Variants in PARD3B observed in about 807,000 individuals in gnomAD.
PARD3B encodes partitioning defective 3 homolog B.
In PARD3B, 103 loss-of-function variants were observed where a neutral mutation model predicts 130.2. That is an observed-to-expected ratio of 0.79 (90% CI 0.67 to 0.93). The LOEUF (loss-of-function observed/expected upper bound fraction) is 0.93. PARD3B is among the 40% of genes least tolerant of loss of function. PARD3B has a pLI of 0.00. For synonymous variants in PARD3B, 583 were observed against 553.2 expected (o/e 1.05, Z -0.76); for missense variants, 1,609 against 1,499.2 (o/e 1.07, Z -1.21).
rs111801417 is a variant in PARD3B, at chr2:205,416,994, T to C, written c.2741+15871T>C. 7.4e-3 allele frequency among the ~76,000 whole-genome samples: 1,121 copies of C among 152,154 alleles called. 16 individuals are homozygous for C. The highest frequency in any genetic ancestry group is 0.026 in the African/African-American group (1,074 of 41,530). ...GTGCACAACGTGCAGGTTTGTTACA[T>C]ATGTATACATGTGCCGTGTTGGTGT... On this transcript the variant is annotated intron_variant, in intron 19 of 22. Coordinates refer to ENST00000406610, the MANE Select transcript of PARD3B (RefSeq NM_001302769.2).
At chr2:204,804,099 G>T (rs1459324396) in intron 2 of PARD3B, among the ~76,000 whole-genome samples, 2 of 152,092 alleles carry the variant, frequency 1.3e-5, no homozygotes, top group East Asian at 3.9e-4. Context: ...GTGTTGGCAT[G>T]TGCCTGTAGT....
At chr2:204,806,739 T>C (rs916053595) in intron 2 of PARD3B, among the ~76,000 whole-genome samples, 1 of 152,110 alleles carries the variant, frequency 6.6e-6, no homozygotes, top group African/African-American at 2.4e-5. Flanking sequence ...TGCAAACTAT[T>C]TGTCAGACAG....
chr2:205,379,179 C>CA (rs1363843640), intron 18 of PARD3B, among the ~76,000 whole-genome samples: 5 of 152,128 alleles, frequency 3.3e-5, no homozygotes, highest in African/African-American at 1.2e-4. Context: ...TCAAAGGCTC[C>CA]ATAATTCAGC....
At chr2:205,614,385 G>A (rs553487626) in intron 22 of PARD3B, among the ~76,000 whole-genome samples, 2 of 152,264 alleles carry the variant, frequency 1.3e-5, no homozygotes, top group East Asian at 3.9e-4. Flanking sequence ...TGGCTTTGTG[G>A]TAGAGTTGAT....
chr2:205,292,233 C>T lies in PARD3B; in HGVS notation c.2186-8297C>T, dbSNP rs1012573134. 6.6e-6 allele frequency among the ~76,000 whole-genome samples: 1 copy of T among 152,072 alleles called. No individual in the cohort carries two copies. Among genetic ancestry groups the T allele is most frequent in the African/African-American group, 2.4e-5 (1 of 41,402 alleles). On this transcript the variant is annotated intron_variant, in intron 16 of 22. Coordinates refer to ENST00000406610, the MANE Select transcript of PARD3B (RefSeq NM_001302769.2). This position sits in a 1 kb window ranked among gnomAD's most constrained non-coding sequence, Gnocchi z 5.3. ...TGGTGCAGAGAGCTGTAGTAGAGCC[C>T]TCATGAATGGGATTAGTTTCCTTAT... is the stretch of plus-strand genomic sequence containing the variant.
chr2:204,609,019 C>G (rs2216319), intron 1 of PARD3B, among the ~76,000 whole-genome samples: 103,882 of 152,028 alleles, frequency 0.68, 36,903 homozygotes, highest in Middle Eastern at 0.78. Flanking sequence ...GAGTTATACT[C>G]CTTTTAAGAT....
intron 21 of PARD3B, among the ~76,000 whole-genome samples, chr2:205,549,669 G>T (rs1482770713): frequency 2.0e-5 from 3 of 152,128 alleles, no homozygotes; most frequent in Non-Finnish European, 4.4e-5. Context: ...GATGTTTAGG[G>T]CCATGAAAAT....
intron 10 of PARD3B, among the ~76,000 whole-genome samples, chr2:205,140,026 T>C (rs2032816400): frequency 6.6e-6 from 1 of 152,202 alleles, no homozygotes; most frequent in Non-Finnish European, 1.5e-5. Flanking sequence ...TTCCCAAAGA[T>C]TGCGTTGCCT....
intron 1 of PARD3B, among the ~76,000 whole-genome samples, chr2:204,625,028 A>C (rs187339877): frequency 2.0e-5 from 3 of 152,246 alleles, no homozygotes; most frequent in Admixed American, 2.0e-4. Flanking sequence ...CCTTCAGCTA[A>C]ATCTTTCTTA....
chr2:204,802,539 C>T (rs1382757138), intron 2 of PARD3B, among the ~76,000 whole-genome samples: 2 of 152,136 alleles, frequency 1.3e-5, no homozygotes, highest in African/African-American at 2.4e-5. Flanking sequence ...GATACATGCA[C>T]ATGTATGTCT....
chr2:205,093,004 A>G (rs1702199106), intron 4 of PARD3B, among the ~76,000 whole-genome samples: 1 of 152,158 alleles, frequency 6.6e-6, no homozygotes, highest in African/African-American at 2.4e-5. Flanking sequence ...AATTATTTCA[A>G]TCCATAAATA....
intron 3 of PARD3B, among the ~76,000 whole-genome samples, chr2:204,999,731 G>T (rs1229885626): frequency 2.6e-5 from 4 of 152,160 alleles, no homozygotes; most frequent in Non-Finnish European, 5.9e-5. Context: ...AGTATTGTAG[G>T]TGATAAAGAT....
intron 2 of PARD3B, among the ~76,000 whole-genome samples, chr2:204,720,142 A>G (rs1352106369): frequency 6.6e-6 from 1 of 152,238 alleles, no homozygotes; most frequent in Non-Finnish European, 1.5e-5. Context: ...GATTAATTAT[A>G]CTAAAATAAT....
chr2:204,712,972 T>C (rs80004018), intron 2 of PARD3B, among the ~76,000 whole-genome samples: 3,566 of 152,310 alleles, frequency 0.023, 62 homozygotes, highest in Middle Eastern at 0.071. Flanking sequence ...ATTTGCTTTT[T>C]TCAGTCAATT....
chr2:205,147,704 C>G (rs2033463908), intron 10 of PARD3B, among the ~76,000 whole-genome samples: 1 of 152,112 alleles, frequency 6.6e-6, no homozygotes, highest in Non-Finnish European at 1.5e-5. Flanking sequence ...GGAATAGATA[C>G]AGATTTCAGG....
chr2:205,271,767 A>G (rs1046610271), intron 16 of PARD3B, among the ~76,000 whole-genome samples: 23 of 152,214 alleles, frequency 1.5e-4, no homozygotes, highest in African/African-American at 5.5e-4. Context: ...ATGCTCCCAT[A>G]TTGCTTTTAA....
chr2:204,952,114 G>C (rs1414752212), intron 2 of PARD3B, among the ~76,000 whole-genome samples: 1 of 152,140 alleles, frequency 6.6e-6, no homozygotes, highest in Admixed American at 6.5e-5. Flanking sequence ...TTTAAAATGA[G>C]TTTTGTGAGT....
chr2:205,006,022 G>A (rs926847626), intron 3 of PARD3B, among the ~76,000 whole-genome samples: 10 of 152,056 alleles, frequency 6.6e-5, no homozygotes, highest in South Asian at 2.1e-4. Context: ...CCTTTGCATC[G>A]TCATAGCTTA....
At chr2:205,393,209 T>TA (rs1246080757) in intron 18 of PARD3B, among the ~76,000 whole-genome samples, 1 of 152,230 alleles carries the variant, frequency 6.6e-6, no homozygotes, top group Non-Finnish European at 1.5e-5. Flanking sequence ...AAACCTTTTA[T>TA]AGGGTGAATT....
Sources: gnomAD v4.1 joint callset for allele counts (sites outside exome capture counted in the v4.1 genomes callset) on GRCh38, gnomAD v4.1.1 for gene constraint, Gnocchi (gnomAD v3.1) non-coding constraint, MANE v1.5 for transcripts, NCBI Gene and HGNC (gene_info 2026-07-23, HGNC 2026-07-21) for gene names.